Variants in PCDHGA4 observed in about 807,000 individuals in gnomAD.
PCDHGA4 encodes protocadherin gamma subfamily A, 4, also known as protocadherin gamma-A4.
A neutral mutation model predicts 54.6 loss-of-function variants in PCDHGA4; 38 were observed. The ratio of observed to expected loss-of-function variants is 0.70; its 90% confidence interval spans 0.54 to 0.91. The LOEUF (loss-of-function observed/expected upper bound fraction) is 0.91, where lower values mean the gene tolerates loss of function less well. Among genes scored for constraint, PCDHGA4 ranks in the 40% least tolerant of loss-of-function variants. PCDHGA4 has a pLI of 0.00. For missense variants in PCDHGA4, 1,298 were observed against 1,220.9 expected, an observed-to-expected ratio of 1.06 and a Z score of -0.94; for synonymous variants, 511 against 512.9, an observed-to-expected ratio of 1.00 and a Z score of 0.05.
chr5:141,443,699 A>G (rs1433844997), intron 1 of PCDHGA4, among the ~76,000 whole-genome samples: 1 of 152,248 alleles, frequency 6.6e-6, no homozygotes, highest in African/African-American at 2.4e-5. Flanking sequence ...AAAATTATAG[A>G]ATAACATTTG....
intron 1 of PCDHGA4, chr5:141,371,611 C>A (rs561217101): frequency 8.1e-6 from 13 of 1,613,878 alleles, no homozygotes; most frequent in Non-Finnish European, 1.1e-5. Flanking sequence ...AGGTTGGTGA[C>A]AGATGGAGCC....
chr5:141,511,450 C>A lies in PCDHGA4; in HGVS notation c.*277C>A. Reference sequence around the variant, plus strand: ...TGGGGTTACTGTAGACACCAAGAACCATTTGCCACACCCCGTTTAGTTACA... The same window carrying A: ...TGGGGTTACTGTAGACACCAAGAACAATTTGCCACACCCCGTTTAGTTACA... On this transcript the variant is annotated 3_prime_UTR_variant, in exon 4 of 4. Transcript: ENST00000571252. The A allele has an allele frequency of 3.3e-6, 2 of 615,088 alleles. No homozygotes were observed. The highest frequency in any genetic ancestry group is 6.8e-5 in the East Asian group (2 of 29,272). The allele number at this position is 615,088 out of a possible 1,614,324, so 38.1% of individuals were successfully genotyped here.
chr5:141,394,298 G>A (rs763864270), intron 1 of PCDHGA4: 1 of 1,613,840 alleles, frequency 6.2e-7, no homozygotes, highest in African/African-American at 1.3e-5. Context: ...CCGAGGACAC[G>A]CTGCAGGGGG....
At chr5:141,361,105 C>G in intron 1 of PCDHGA4, 1 of 1,613,960 alleles carries the variant, frequency 6.2e-7, no homozygotes, top group South Asian at 1.1e-5. Flanking sequence ...AGCAAAAGAT[C>G]CTGGAGATCT....
chr5:141,473,382 C>A (rs780229708), intron 1 of PCDHGA4, among the ~76,000 whole-genome samples: 12 of 152,190 alleles, frequency 7.9e-5, no homozygotes, highest in Non-Finnish European at 1.8e-4. Context: ...TGGTCCCTGC[C>A]CTCCTGGAGC....
At chr5:141,450,675 C>T (rs377412699) in intron 1 of PCDHGA4, among the ~76,000 whole-genome samples, 3 of 151,614 alleles carry the variant, frequency 2.0e-5, no homozygotes, top group South Asian at 4.2e-4. Flanking sequence ...TTAGTAGAAA[C>T]GGGGTTTTGC....
At chr5:141,478,177 A>G (rs769503109) in intron 1 of PCDHGA4, 1 of 1,613,988 alleles carries the variant, frequency 6.2e-7, no homozygotes, top group South Asian at 1.1e-5. Context: ...GGGAGCAGAA[A>G]AAAAATCTCA....
chr5:141,508,935 A>T (rs180987868), intron 3 of PCDHGA4, among the ~76,000 whole-genome samples: 2 of 152,118 alleles, frequency 1.3e-5, no homozygotes, highest in Non-Finnish European at 2.9e-5. Context: ...GGAGTTAATT[A>T]GGGAAAACAG....
In PCDHGA4 at chr5:141,422,644, T is replaced by C. The variant is rs770618826; in HGVS notation, c.2514+65023T>C. 9 of 1,612,266 alleles carry C rather than the reference T, an allele frequency of 5.6e-6. No homozygotes were observed. The Admixed American group carries it at 1.5e-4, about 27-fold the overall frequency. ...AAACAACCCCAGGGGTGCCTCCATC[T>C]TCTCAGTGACCGCCCTCGACCCGGA... On this transcript the variant is annotated intron_variant, in intron 1 of 3. Coordinates refer to ENST00000571252, the MANE Select transcript of PCDHGA4 (RefSeq NM_018917.4).
chr5:141,400,728 T>G (rs1293655070), intron 1 of PCDHGA4: 2 of 648,072 alleles, frequency 3.1e-6, no homozygotes, highest in Non-Finnish European at 5.2e-6. Flanking sequence ...ATTTACAAAG[T>G]AGTGAGAGTT....
intron 1 of PCDHGA4, chr5:141,419,045 T>G (rs1473408777): frequency 6.2e-7 from 1 of 1,613,710 alleles, no homozygotes; most frequent in Non-Finnish European, 8.5e-7. Context: ...TAAGATTCAT[T>G]CTTCTTCTAA....
intron 1 of PCDHGA4, chr5:141,413,089 C>T: frequency 7.1e-7 from 1 of 1,401,124 alleles, no homozygotes; most frequent in Non-Finnish European, 9.7e-7. Context: ...TACAGAGACA[C>T]CCTGAAGCCA....
At position 141,371,314 on chromosome 5, in the gene PCDHGA4, T is replaced by G. The variant is rs763858209; in HGVS notation, c.2514+13693T>G. The G allele has an allele frequency of 6.8e-6, 11 of 1,613,964 alleles. No individual in the cohort carries two copies. The East Asian group carries it at 2.2e-4, about 33-fold the overall frequency. The stretch of plus-strand genomic sequence containing the variant: ...GGGGAACTCACCACTATTGGAGAAC[T>G]GGACTTTGAAGAGAGAGATAGCTAC... On this transcript the variant is annotated intron_variant, in intron 1 of 3. Transcript: ENST00000571252.
chr5:141,433,850 A>C (rs899643386), intron 1 of PCDHGA4, among the ~76,000 whole-genome samples: 2 of 151,896 alleles, frequency 1.3e-5, no homozygotes, highest in East Asian at 3.9e-4. Flanking sequence ...AAAAAAAAAA[A>C]AAAAACTTTA....
intron 2 of PCDHGA4, among the ~76,000 whole-genome samples, chr5:141,501,620 T>G (rs1393018933): frequency 6.6e-6 from 1 of 152,090 alleles, no homozygotes; most frequent in Non-Finnish European, 1.5e-5. Context: ...GACTCTGGTA[T>G]AGTCTCTCAA....
chr5:141,373,437 C>A (rs1769581564), intron 1 of PCDHGA4, among the ~76,000 whole-genome samples: 1 of 152,194 alleles, frequency 6.6e-6, no homozygotes. Flanking sequence ...GTGGGAGGAT[C>A]CCTTGATCCC....
intron 1 of PCDHGA4, among the ~76,000 whole-genome samples, chr5:141,454,343 A>G (rs1161350416): frequency 2.6e-5 from 4 of 152,248 alleles, no homozygotes; most frequent in African/African-American, 7.2e-5. Flanking sequence ...AAATGTTGGA[A>G]GTTGATCCAA....
intron 1 of PCDHGA4, chr5:141,410,134 C>G (rs573769764): frequency 6.2e-7 from 1 of 1,612,766 alleles, no homozygotes; most frequent in Admixed American, 1.7e-5. Context: ...GCCTGCTGGT[C>G]GCTGTGCGTG....
chr5:141,372,524 A>T, intron 1 of PCDHGA4: 1 of 1,613,968 alleles, frequency 6.2e-7, no homozygotes, highest in Non-Finnish European at 8.5e-7. Context: ...TGATTCTGGC[A>T]ATCTCCCTGC....
Sources: gnomAD v4.1 joint callset for allele counts (sites outside exome capture counted in the v4.1 genomes callset) on GRCh38, gnomAD v4.1.1 for gene constraint, MANE v1.5 for transcripts, NCBI Gene and HGNC (gene_info 2026-07-23, HGNC 2026-07-21) for gene names.